The following MED12L variants were observed in gnomAD, a reference collection of about 807,000 sequenced individuals.
MED12L encodes mediator complex subunit 12L.
Under a neutral mutation model 281.3 loss-of-function variants are expected in MED12L, and 60 were observed. That is an observed-to-expected ratio of 0.21 (90% CI 0.17 to 0.26). The LOEUF (loss-of-function observed/expected upper bound fraction) is 0.26. MED12L is among the 10% of genes least tolerant of loss of function. The pLI is 1.00. For missense variants in MED12L, 2,146 were observed against 2,680.9 expected (o/e 0.80, Z 4.41); for synonymous variants, 974 against 987.2 (o/e 0.99, Z 0.25).
chr3:151,423,014 AAAAT>A (rs1314081666), intron 43 of MED12L, among the ~76,000 whole-genome samples: 41 of 20,722 alleles, frequency 2.0e-3, no homozygotes, highest in Middle Eastern at 0.091. Flanking sequence ...GGAGATCATA[AAAAT>A]ATATATATAT....
At chr3:151,372,877 C>A in intron 27 of MED12L, 111 bp downstream of exon 27, 1 of 730,222 alleles carries the variant, frequency 1.4e-6, no homozygotes. Context: ...TTCTTGCTCA[C>A]TTTATTTCGA....
chr3:151,259,878 G>A (rs939102855), intron 16 of MED12L, among the ~76,000 whole-genome samples: 5 of 152,186 alleles, frequency 3.3e-5, no homozygotes, highest in Admixed American at 6.5e-5. Context: ...GTCTCTGACT[G>A]TGTTAGTTCA....
intron 4 of MED12L, among the ~76,000 whole-genome samples, chr3:151,127,302 CTT>C (rs1560073735): frequency 6.6e-6 from 1 of 152,178 alleles, no homozygotes; most frequent in Non-Finnish European, 1.5e-5. Context: ...TGTAGTCTCT[CTT>C]TTAAATTTTG....
chr3:151,358,554 G>A (rs1754215912), intron 20 of MED12L, among the ~76,000 whole-genome samples: 1 of 151,966 alleles, frequency 6.6e-6, no homozygotes, highest in African/African-American at 2.4e-5. Flanking sequence ...TTAATGGGTT[G>A]TGACAAGTTT....
chr3:151,150,416 CTGT>C (rs1718296914), intron 5 of MED12L, among the ~76,000 whole-genome samples: 1 of 152,082 alleles, frequency 6.6e-6, no homozygotes, highest in African/African-American at 2.4e-5. Context: ...GTAAGCCGTG[CTGT>C]AAACAAATGT....
chr3:151,203,370 G>C (rs1725915277), intron 16 of MED12L, among the ~76,000 whole-genome samples: 1 of 147,536 alleles, frequency 6.8e-6, no homozygotes, highest in African/African-American at 2.5e-5. Flanking sequence ...CAATTTATTT[G>C]TCATATTTTT....
intron 25 of MED12L, among the ~76,000 whole-genome samples, chr3:151,368,586 AT>A (rs1295459593): frequency 4.1e-5 from 5 of 120,726 alleles, no homozygotes; most frequent in Admixed American, 8.5e-5. Flanking sequence ...GGCAATGGTG[AT>A]TTATTTTATT....
At chr3:151,403,544 A>AT (rs1015343665) in intron 39 of MED12L, among the ~76,000 whole-genome samples, 16 of 151,844 alleles carry the variant, frequency 1.1e-4, no homozygotes, top group Middle Eastern at 3.4e-3. Context: ...TATGGAGAAG[A>AT]TTTTTTTTTG....
intron 16 of MED12L, among the ~76,000 whole-genome samples, chr3:151,216,673 C>T (rs1308470384): frequency 6.6e-6 from 1 of 152,196 alleles, no homozygotes; most frequent in African/African-American, 2.4e-5. Flanking sequence ...TTCCTCTTCC[C>T]TGTAGCCTTG....
rs759179323 is a variant in MED12L at position 151,328,047 on chromosome 3, T to C, written c.2251-22012T>C. 8.1e-6 allele frequency: 13 copies of C among 1,603,930 alleles called. No homozygotes were observed. The Admixed American group carries it at 2.3e-4, about 28-fold the overall frequency. The stretch of plus-strand genomic sequence containing the variant: ...CTATGATTTTCTTGGCTTGATGCTG[T>C]GGTCTTTCTCCCTTGCATACATGGT... On this transcript the variant is annotated intron_variant, in intron 16 of 44. Transcript: ENST00000687756.
At chr3:151,272,415 A>G (rs1741127944) in intron 16 of MED12L, among the ~76,000 whole-genome samples, 1 of 152,184 alleles carries the variant, frequency 6.6e-6, no homozygotes, top group Non-Finnish European at 1.5e-5. Flanking sequence ...TATATGTATC[A>G]TGTCCCTCTT....
chr3:151,410,524 T>G (rs2108351853), intron 40 of MED12L, among the ~76,000 whole-genome samples: 1 of 152,350 alleles, frequency 6.6e-6, no homozygotes, highest in South Asian at 2.1e-4. Flanking sequence ...TTGTTCTACC[T>G]TAATTAGCAT....
At chr3:151,355,295 T>A (rs1358963592) in intron 18 of MED12L, 56 bp downstream of exon 18, 4 of 1,251,280 alleles carry the variant, frequency 3.2e-6, no homozygotes, top group East Asian at 2.3e-5. Context: ...TACTTAAAAA[T>A]TTTTTTCATG....
chr3:151,216,088 C>A (rs575095831), intron 16 of MED12L, among the ~76,000 whole-genome samples: 138 of 152,328 alleles, frequency 9.1e-4, no homozygotes, highest in African/African-American at 3.2e-3. Flanking sequence ...CTCTCTCCAG[C>A]TGTTTGTCTC....
rs1756954538 is a variant in MED12L, at chr3:151,377,190, T to C, written c.4316+12T>C. ...AAGACATTCCTAAGGTATTTTTGTCTGTTGTTTTATTGAACTGTCATGAAT... is the reference window on the plus strand; with the variant it reads ...AAGACATTCCTAAGGTATTTTTGTCCGTTGTTTTATTGAACTGTCATGAAT... On this transcript the variant is annotated intron_variant, in intron 30 of 44. Coordinates refer to ENST00000687756, the MANE Select transcript of MED12L (RefSeq NM_001393769.1). 1 of 1,597,552 alleles carries C rather than the reference T, an allele frequency of 6.3e-7. No individual in the cohort carries two copies. The highest frequency in any genetic ancestry group is 1.3e-5 in the African/African-American group (1 of 74,306).
intron 16 of MED12L, among the ~76,000 whole-genome samples, chr3:151,320,748 C>G (rs1483494834): frequency 1.3e-5 from 2 of 152,266 alleles, no homozygotes; most frequent in East Asian, 3.9e-4. Flanking sequence ...CCTTCCTATG[C>G]TGGGCAACTT....
At chr3:151,326,648 G>A (rs1749632946) in intron 16 of MED12L, 2 of 152,170 alleles carry the variant, frequency 1.3e-5, no homozygotes, top group South Asian at 4.1e-4. Context: ...TTATACAAGA[G>A]TATAAAGTTC....
chr3:151,149,938 C>G (rs1247293200), intron 5 of MED12L, among the ~76,000 whole-genome samples: 1 of 152,186 alleles, frequency 6.6e-6, no homozygotes, highest in African/African-American at 2.4e-5. Context: ...AATTCTAGTT[C>G]TCTTGCTGTT....
intron 13 of MED12L, among the ~76,000 whole-genome samples, chr3:151,189,501 CCCT>C (rs1234004743): frequency 1.3e-5 from 2 of 152,198 alleles, no homozygotes; most frequent in Non-Finnish European, 2.9e-5. Flanking sequence ...CCCTTTGCTT[CCCT>C]CGTTTCTTCC....
Sources: allele counts gnomAD v4.1 joint callset (sites outside exome capture counted in the v4.1 genomes callset), GRCh38; gene constraint gnomAD v4.1.1; transcripts MANE v1.5; gene names NCBI Gene and HGNC (gene_info 2026-07-23, HGNC 2026-07-21).